The following AMMECR1L variants were observed in gnomAD, a reference collection of about 807,000 sequenced individuals.
The protein encoded by AMMECR1L is AMMECR1-like protein.
Under a neutral mutation model 36.8 loss-of-function variants are expected in AMMECR1L, and 4 were observed. The ratio of observed to expected loss-of-function variants is 0.11; its 90% confidence interval spans 0.05 to 0.25. The LOEUF is 0.25. Among genes scored for constraint, AMMECR1L ranks in the 10% least tolerant of loss-of-function variants. The pLI, the probability that AMMECR1L is intolerant of heterozygous loss-of-function variation, is 1.00. For missense variants in AMMECR1L, 232 were observed against 392.1 expected, an observed-to-expected ratio of 0.59 and a Z score of 3.45; for synonymous variants, 147 against 148.0, an observed-to-expected ratio of 0.99 and a Z score of 0.05.
Position 127,874,284 on chromosome 2 carries a change from G to T in AMMECR1L, c.-38-12C>A, listed in dbSNP as rs757410529. On this transcript the variant is annotated splice_polypyrimidine_tract_variant and intron_variant, in intron 2 of 7. Transcript: ENST00000272647. The surrounding 1 kb of genome is among the most constrained non-coding windows in gnomAD (Gnocchi z 5.2). ...AATGCTGCAGAACCCTAACCAAAAT[G>T]AGAAGTTAAGCATTAATTTGACTGG... 2 of 1,587,754 alleles carry T rather than the reference G, an allele frequency of 1.3e-6. No individual in the cohort carries two copies. Among genetic ancestry groups the T allele is most frequent in the South Asian group, 2.3e-5 (2 of 86,510 alleles).
At chr2:127,867,333 C>T (rs1690735158) in intron 6 of AMMECR1L, 1 of 980,952 alleles carries the variant, frequency 1.0e-6, no homozygotes, top group Non-Finnish European at 1.2e-6. Flanking sequence ...AGTGCTGGTA[C>T]CCAAGGCTGC....
At chr2:127,883,807 C>T (rs1460616184) in intron 2 of AMMECR1L, among the ~76,000 whole-genome samples, 1 of 152,142 alleles carries the variant, frequency 6.6e-6, no homozygotes, top group Non-Finnish European at 1.5e-5. Context: ...AGGACTGAAA[C>T]TATAGAAAAG....
At chr2:127,880,773 T>TACACACACACAC (rs56950354) in intron 2 of AMMECR1L, among the ~76,000 whole-genome samples, 18 of 149,010 alleles carry the variant, frequency 1.2e-4, no homozygotes, top group South Asian at 6.5e-4. Flanking sequence ...ACATACAGTA[T>TACACACACACAC]ACACACACAC....
At chr2:127,885,558 CGCCGCCCGCCCCTCCCCGGCAGT>C (rs1397754665) in intron 1 of AMMECR1L, 1 of 979,586 alleles carries the variant, frequency 1.0e-6, no homozygotes, top group Non-Finnish European at 1.2e-6. Flanking sequence ...CGGGGCACGG[CGCCGCCCGCCCCTCCCCGGCAGT>C]GCCTCCCGAC....
At position 127,874,121 on chromosome 2, in the gene AMMECR1L, G is replaced by A. The variant is rs886680280; in HGVS notation, c.114C>T (p.Ser38=). The A allele has an allele frequency of 6.2e-7, 1 of 1,614,048 alleles. No individual in the cohort carries two copies. The highest frequency in any genetic ancestry group is 1.3e-5 in the African/African-American group (1 of 74,900). ...CTGAACTAGAGCCGGGGACAGTTGT[G>A]GACTGATTCCCGTGACTGTGCGTTC... is the stretch of plus-strand genomic sequence containing the variant. ...GSGTHSHGNQ[S]TTVPGSSSGP... The change falls in exon 3 of 8, where the codon TCC becomes TCT. Residue 38 remains serine (S), a synonymous_variant. Transcript: ENST00000272647. This position sits in a 1 kb window ranked among gnomAD's most constrained non-coding sequence, Gnocchi z 5.2.
chr2:127,866,552 A>C (rs903832332), intron 7 of AMMECR1L, among the ~76,000 whole-genome samples: 1 of 152,228 alleles, frequency 6.6e-6, no homozygotes. Context: ...CTACATGTGC[A>C]GTCAGAAAGC....
rs1424205095 is a variant in AMMECR1L at position 127,863,909 on chromosome 2, GAAT to G, written c.*1182_*1184del. On this transcript the variant is annotated 3_prime_UTR_variant, in exon 8 of 8. Transcript: ENST00000272647. ...GTCACATGAAAGTTTGAAAGACCTA[GAAT>G]AAAATGAGCTATTTGGAAATTTGCC... 3.3e-5 allele frequency: 5 copies of G among 152,460 alleles called. No individual in the cohort carries two copies. Among genetic ancestry groups the G allele is most frequent in the Admixed American group, 6.5e-5 (1 of 15,310 alleles). The allele number at this position is 152,460 out of a possible 1,614,324, so 9.4% of individuals were successfully genotyped here. A position where few individuals can be genotyped will look rare whatever the true frequency, so the allele number is the denominator to read the frequency against.
Position 127,869,682 on chromosome 2 carries a change from T to C in AMMECR1L, c.634-138A>G. On this transcript the variant is annotated intron_variant, in intron 5 of 7. Coordinates refer to ENST00000272647, the MANE Select transcript of AMMECR1L (RefSeq NM_001199140.2). The surrounding 1 kb of genome is among the most constrained non-coding windows in gnomAD (Gnocchi z 4.7). ...GGGAGACCTTCTCGCATTTCATGAC[T>C]AATTCTATCTCAGGAGGTATAGAGG... 1 of 720,532 alleles carries C rather than the reference T, an allele frequency of 1.4e-6. No individual in the cohort carries two copies. The allele number at this position is 720,532 out of a possible 1,614,324, so 44.6% of individuals were successfully genotyped here.
intron 1 of AMMECR1L, 134 bp downstream of exon 1, chr2:127,885,676 A>C (rs1691746739): frequency 4.1e-6 from 4 of 982,374 alleles, no homozygotes; most frequent in Non-Finnish European, 4.8e-6. Flanking sequence ...CCCTCGCCCC[A>C]GGACCGCGGG....
chr2:127,868,756 C>T (rs1029913634), intron 6 of AMMECR1L, among the ~76,000 whole-genome samples: 14 of 151,422 alleles, frequency 9.2e-5, no homozygotes, highest in Non-Finnish European at 1.9e-4. Flanking sequence ...GATGGAGGCT[C>T]GCTCTGTCAC....
At position 127,865,637 on chromosome 2, in the gene AMMECR1L, G is replaced by T. The variant is rs1040798366; in HGVS notation, c.822-432C>A. On this transcript the variant is annotated intron_variant, in intron 7 of 7. Transcript: ENST00000272647. The surrounding 1 kb of genome is among the most constrained non-coding windows in gnomAD (Gnocchi z 5.4). ...TGACAGAAATGCAACCTCAATTCGC[G>T]TAAGAGCAACAAACAAGTTATTATA... 1.3e-5 allele frequency among the ~76,000 whole-genome samples: 2 copies of T among 152,194 alleles called. No individual in the cohort carries two copies. The highest frequency in any genetic ancestry group is 2.9e-5 in the Non-Finnish European group (2 of 68,046).
In AMMECR1L at chr2:127,865,246, G is replaced by C; in HGVS notation, c.822-41C>G. On this transcript the variant is annotated intron_variant, in intron 7 of 7. Transcript: ENST00000272647. This position sits in a 1 kb window ranked among gnomAD's most constrained non-coding sequence, Gnocchi z 5.4. ...GGAAAGGGTATTAGGAACCCCAAAC[G>C]CTTCATTTTGTAAAGTCACTCAGCA... 4.2e-6 allele frequency: 6 copies of C among 1,424,514 alleles called. No homozygotes were observed. The highest frequency in any genetic ancestry group is 5.8e-6 in the Non-Finnish European group (6 of 1,029,558). 88.2% of individuals were successfully genotyped at this position (1,424,514 alleles called of 1,614,324 possible).
chr2:127,873,516 C>G lies in AMMECR1L; in HGVS notation c.407+312G>C. 1 of 985,404 alleles carries G rather than the reference C, an allele frequency of 1.0e-6. No individual in the cohort carries two copies. Among genetic ancestry groups the G allele is most frequent in the Non-Finnish European group, 1.2e-6 (1 of 829,936 alleles). The allele number at this position is 985,404 out of a possible 1,614,324, so 61.0% of individuals were successfully genotyped here. A position where few individuals can be genotyped will look rare whatever the true frequency, so the allele number is the denominator to read the frequency against. Reference sequence around the variant, plus strand: ...TCCCCAATGGTATGGCGTGACTTCCCCACTTGAGAGGTTAAATGCCATACC... The same window carrying G: ...TCCCCAATGGTATGGCGTGACTTCCGCACTTGAGAGGTTAAATGCCATACC... On this transcript the variant is annotated intron_variant, in intron 3 of 7. Coordinates refer to ENST00000272647, the MANE Select transcript of AMMECR1L (RefSeq NM_001199140.2). This position sits in a 1 kb window ranked among gnomAD's most constrained non-coding sequence, Gnocchi z 5.2.
intron 4 of AMMECR1L, 36 bp from the exon 5 acceptor site, chr2:127,870,964 T>C (rs763017208): frequency 6.6e-7 from 1 of 1,522,552 alleles, no homozygotes; most frequent in South Asian, 1.2e-5. Context: ...AAGGCTGCTC[T>C]GGAGTCAGGA....
chr2:127,872,308 G>T (rs1398517552), intron 3 of AMMECR1L, among the ~76,000 whole-genome samples: 2 of 151,852 alleles, frequency 1.3e-5, no homozygotes, highest in Non-Finnish European at 2.9e-5. Context: ...GAAGTGCTGA[G>T]AGATTACAGA....
At chr2:127,884,862 C>G (rs1267854666) in intron 1 of AMMECR1L, 1 of 152,246 alleles carries the variant, frequency 6.6e-6, no homozygotes, top group Non-Finnish European at 1.5e-5. Flanking sequence ...TTCACCAACT[C>G]TCCCCACTAC....
At chr2:127,878,044 G>A (rs1316053859) in intron 2 of AMMECR1L, among the ~76,000 whole-genome samples, 1 of 152,126 alleles carries the variant, frequency 6.6e-6, no homozygotes, top group Non-Finnish European at 1.5e-5. Context: ...GGGTGACAGA[G>A]TAAGACCCTG....
At chr2:127,878,779 C>G (rs1187388288) in intron 2 of AMMECR1L, among the ~76,000 whole-genome samples, 1 of 152,216 alleles carries the variant, frequency 6.6e-6, no homozygotes. Context: ...CCCTTTAGAT[C>G]CAAGCATTTC....
intron 2 of AMMECR1L, among the ~76,000 whole-genome samples, chr2:127,876,053 C>A (rs1282751396): frequency 6.7e-6 from 1 of 148,870 alleles, no homozygotes; most frequent in Non-Finnish European, 1.5e-5. Flanking sequence ...CCCCGCCCCG[C>A]CCCCCCACCC....
Sources: allele counts gnomAD v4.1 joint callset (sites outside exome capture counted in the v4.1 genomes callset), GRCh38; gene constraint gnomAD v4.1.1; non-coding constraint Gnocchi (gnomAD v3.1); transcripts MANE v1.5; gene names NCBI Gene and HGNC (gene_info 2026-07-23, HGNC 2026-07-21).